ZNF385D: variants seen among roughly 807,000 people sequenced by gnomAD.
The protein encoded by ZNF385D is zinc finger protein 385D.
ZNF385D carries 15 observed loss-of-function variants against 35.8 expected under a neutral mutation model. The observed-to-expected ratio is 0.42, with a 90% CI of 0.28 to 0.64. The LOEUF is 0.64. Ranked by LOEUF, ZNF385D falls within the 30% of genes least tolerant of loss-of-function variation. ZNF385D has a pLI of 0.23. For synonymous variants in ZNF385D, 212 were observed against 186.8 expected, an observed-to-expected ratio of 1.13 and a Z score of -1.10; for missense variants, 474 against 494.6, an observed-to-expected ratio of 0.96 and a Z score of 0.39.
Position 22,102,171 on chromosome 3 carries a change from T to C in ZNF385D, c.325+66646A>G, listed in dbSNP as rs141695244. Among the ~76,000 whole-genome samples the C allele has an allele frequency of 7.8e-4, 119 of 152,080 alleles. 4 individuals are homozygous for C. In the East Asian group the frequency reaches 0.011, roughly 14 times the overall value. ...GAATGTGTTCTTTTCCCAGGATGATTTCTTTCATCCCTGTGTGATGGAGGG... is the reference window on the plus strand; with the variant it reads ...GAATGTGTTCTTTTCCCAGGATGATCTCTTTCATCCCTGTGTGATGGAGGG... On this transcript the variant is annotated intron_variant, in intron 3 of 5. Coordinates refer to the ZNF385D transcript ENST00000494108.
At chr3:22,280,658 T>G (rs1701690746) in intron 2 of ZNF385D, among the ~76,000 whole-genome samples, 1 of 152,108 alleles carries the variant, frequency 6.6e-6, no homozygotes, top group African/African-American at 2.4e-5. Context: ...CCATGCTGTT[T>G]TGGTGACTAT....
At chr3:21,937,194 T>A (rs1337843741) in intron 3 of ZNF385D, among the ~76,000 whole-genome samples, 2 of 151,250 alleles carry the variant, frequency 1.3e-5, no homozygotes, top group Non-Finnish European at 2.9e-5. Context: ...TATACACTAT[T>A]TTTTTTTCAC....
chr3:21,769,457 G>A (rs968407764), intron 3 of ZNF385D, among the ~76,000 whole-genome samples: 2 of 127,754 alleles, frequency 1.6e-5, no homozygotes, highest in South Asian at 2.5e-4. Context: ...ACACAAGAGA[G>A]CCAAATCATG....
intron 3 of ZNF385D, among the ~76,000 whole-genome samples, chr3:21,832,778 T>A (rs1695081512): frequency 6.6e-6 from 1 of 152,136 alleles, no homozygotes; most frequent in East Asian, 1.9e-4. Context: ...TACTAGACAT[T>A]TCAGGTCCTT....
intron 3 of ZNF385D, among the ~76,000 whole-genome samples, chr3:22,060,031 T>C (rs1288077476): frequency 6.6e-6 from 1 of 152,224 alleles, no homozygotes; most frequent in Non-Finnish European, 1.5e-5. Context: ...CTTTGAACAT[T>C]GGGAGCTACT....
rs576888425 is a variant in ZNF385D at position 21,465,625 on chromosome 3, C to T, written c.440-28422G>A. 2.2e-4 allele frequency among the ~76,000 whole-genome samples: 34 copies of T among 152,332 alleles called. No individual in the cohort carries two copies. Among genetic ancestry groups the T allele is most frequent in the Middle Eastern group, 6.8e-3 (2 of 294 alleles). ...TTCGAGTTATGCATATTTCCTGGCACTCTTGTCTCACATCTGTGTAAGTCT... is the reference window on the plus strand; with the variant it reads ...TTCGAGTTATGCATATTTCCTGGCATTCTTGTCTCACATCTGTGTAAGTCT... On this transcript the variant is annotated intron_variant, in intron 4 of 7. Coordinates refer to ENST00000281523, the MANE Select transcript of ZNF385D (RefSeq NM_024697.3). The surrounding 1 kb of genome is among the most constrained non-coding windows in gnomAD (Gnocchi z 4.2).
intron 2 of ZNF385D, among the ~76,000 whole-genome samples, chr3:22,332,075 T>C (rs1305977645): frequency 2.0e-5 from 3 of 152,074 alleles, no homozygotes; most frequent in African/African-American, 7.2e-5. Context: ...GTTGAACCAG[T>C]TGTTAACATT....
chr3:22,011,448 G>T (rs933363793), intron 3 of ZNF385D, among the ~76,000 whole-genome samples: 5 of 152,004 alleles, frequency 3.3e-5, no homozygotes, highest in Admixed American at 3.3e-4. Flanking sequence ...GATGAGTTTG[G>T]CAGATTAAGC....
chr3:21,490,322 C>G (rs1007978435), intron 4 of ZNF385D, among the ~76,000 whole-genome samples: 3 of 152,032 alleles, frequency 2.0e-5, no homozygotes, highest in Non-Finnish European at 4.4e-5. Context: ...TGTGTCACCA[C>G]GTCTGGCTCT....
intron 2 of ZNF385D, among the ~76,000 whole-genome samples, chr3:22,222,148 TA>T (rs1698295611): frequency 6.6e-6 from 1 of 152,032 alleles, no homozygotes; most frequent in South Asian, 2.1e-4. Flanking sequence ...AGCTAATTTT[TA>T]TATTTTTAGT....
At chr3:21,959,343 T>C (rs760921287) in intron 3 of ZNF385D, among the ~76,000 whole-genome samples, 1 of 152,112 alleles carries the variant, frequency 6.6e-6, no homozygotes, top group Non-Finnish European at 1.5e-5. Flanking sequence ...GGAAATGCAA[T>C]TGCTCCTTCA....
intron 2 of ZNF385D, among the ~76,000 whole-genome samples, chr3:22,235,189 G>T (rs1455698611): frequency 1.3e-5 from 2 of 152,006 alleles, no homozygotes; most frequent in South Asian, 2.1e-4. Flanking sequence ...TTTACCCTCA[G>T]CCAGACCCAA....
chr3:22,199,259 G>A (rs1424859407), intron 2 of ZNF385D, among the ~76,000 whole-genome samples: 1 of 152,094 alleles, frequency 6.6e-6, no homozygotes, highest in East Asian at 1.9e-4. Context: ...TCTGCCCAAT[G>A]TAGATTACAT....
At chr3:21,838,323 G>A (rs1488231557) in intron 3 of ZNF385D, among the ~76,000 whole-genome samples, 3 of 152,050 alleles carry the variant, frequency 2.0e-5, no homozygotes, top group Non-Finnish European at 2.9e-5. Flanking sequence ...TGGAGGATCT[G>A]GGAGATAAGT....
At chr3:22,026,736 T>C (rs1413539432) in intron 3 of ZNF385D, among the ~76,000 whole-genome samples, 1 of 152,186 alleles carries the variant, frequency 6.6e-6, no homozygotes, top group African/African-American at 2.4e-5. Context: ...GAGCTGCCTC[T>C]ACCTAGAAAA....
intron 3 of ZNF385D, among the ~76,000 whole-genome samples, chr3:21,900,227 G>A (rs1292545718): frequency 6.6e-6 from 1 of 152,054 alleles, no homozygotes; most frequent in African/African-American, 2.4e-5. Flanking sequence ...GCAATTTAGA[G>A]GAAAACAGTT....
intron 3 of ZNF385D, among the ~76,000 whole-genome samples, chr3:22,135,459 C>A (rs527787308): frequency 6.6e-6 from 1 of 152,116 alleles, no homozygotes; most frequent in Non-Finnish European, 1.5e-5. Flanking sequence ...ACACTCCAGG[C>A]ACTGTATGTT....
intron 5 of ZNF385D, among the ~76,000 whole-genome samples, chr3:21,430,120 C>T (rs1701226062): frequency 6.6e-6 from 1 of 150,770 alleles, no homozygotes; most frequent in African/African-American, 2.5e-5. Context: ...TATATAGTAG[C>T]ATTTTCCATG....
intron 4 of ZNF385D, among the ~76,000 whole-genome samples, chr3:21,510,511 A>G (rs147862428): frequency 1.8e-4 from 28 of 152,312 alleles, no homozygotes; most frequent in African/African-American, 6.3e-4. Context: ...TAAATCTGCC[A>G]TGCAGTTATA....
Sources: allele counts gnomAD v4.1 joint callset (sites outside exome capture counted in the v4.1 genomes callset), GRCh38; gene constraint gnomAD v4.1.1; non-coding constraint Gnocchi (gnomAD v3.1); transcripts MANE v1.5; gene names NCBI Gene and HGNC (gene_info 2026-07-23, HGNC 2026-07-21).